The following TMEM132B variants were observed in gnomAD, a reference collection of about 807,000 sequenced individuals.
TMEM132B encodes transmembrane protein 132B.
Under a neutral mutation model 90.8 loss-of-function variants are expected in TMEM132B, and 18 were observed. That is an observed-to-expected ratio of 0.20 (90% CI 0.14 to 0.29). The LOEUF is 0.29. Ranked by LOEUF, TMEM132B falls within the 10% of genes least tolerant of loss-of-function variation. TMEM132B has a pLI of 1.00. For synonymous variants in TMEM132B, 504 were observed against 523.3 expected, an observed-to-expected ratio of 0.96 and a Z score of 0.50; for missense variants, 1,096 against 1,326.8, an observed-to-expected ratio of 0.83 and a Z score of 2.70.
intron 4 of TMEM132B, among the ~76,000 whole-genome samples, chr12:125,543,211 A>G (rs1884000652): frequency 1.3e-5 from 2 of 152,342 alleles, no homozygotes; most frequent in South Asian, 4.1e-4. Flanking sequence ...TAGCTTAAAA[A>G]TTCAGTTATA....
In TMEM132B at chr12:125,492,142, G is replaced by T. The variant is rs1944646721; in HGVS notation, c.1107-27297G>T. ...TCTGGGTTTCTGGGGAAGGGTGAGA[G>T]TGCCCTGCTGCCCGCCCCCACCGCT... is the stretch of plus-strand genomic sequence containing the variant. On this transcript the variant is annotated intron_variant, in intron 3 of 8. Transcript: ENST00000682704. The surrounding 1 kb of genome is among the most constrained non-coding windows in gnomAD (Gnocchi z 5.8). 6.6e-6 allele frequency among the ~76,000 whole-genome samples: 1 copy of T among 152,244 alleles called. No individual in the cohort carries two copies. The highest frequency in any genetic ancestry group is 3.4e-3 in the Middle Eastern group (1 of 294).
At chr12:125,553,414 G>T (rs1317492991) in intron 4 of TMEM132B, among the ~76,000 whole-genome samples, 1 of 152,206 alleles carries the variant, frequency 6.6e-6, no homozygotes, top group East Asian at 1.9e-4. Context: ...TTGATGATGT[G>T]ATTGCAGTTG....
chr12:125,435,561 C>A (rs1279813148), intron 3 of TMEM132B, among the ~76,000 whole-genome samples: 4 of 152,210 alleles, frequency 2.6e-5, no homozygotes, highest in Admixed American at 6.5e-5. Flanking sequence ...AAGAGCCAGG[C>A]ACTAGTATAG....
intron 5 of TMEM132B, among the ~76,000 whole-genome samples, chr12:125,607,073 G>T (rs1003623361): frequency 2.0e-5 from 3 of 152,160 alleles, no homozygotes; most frequent in African/African-American, 7.2e-5. Context: ...CTCTTGCAGG[G>T]TGAGCTCCGG....
intron 3 of TMEM132B, among the ~76,000 whole-genome samples, chr12:125,518,690 A>G (rs1352442349): frequency 6.6e-6 from 1 of 152,160 alleles, no homozygotes; most frequent in African/African-American, 2.4e-5. Flanking sequence ...TACCATAATC[A>G]CACTAGTCTT....
Position 125,349,835 on chromosome 12 carries a change from G to T in TMEM132B, c.451G>T (p.Gly151Cys), listed in dbSNP as rs1440160633. 6.2e-7 allele frequency: 1 copy of T among 1,614,162 alleles called. No homozygotes were observed. The highest frequency in any genetic ancestry group is 8.5e-7 in the Non-Finnish European group (1 of 1,180,026). The change falls in exon 2 of 9, where the codon GGC becomes TGC. Residue 151 changes from glycine to cysteine, a missense_variant. Gly to Cys is a radical substitution (Grantham distance 159). Transcript: ENST00000682704. The surrounding 1 kb of genome is among the most constrained non-coding windows in gnomAD (Gnocchi z 4.1). ...GACCTTGTTTTATGTCACTGGCATG[G>T]GCTGGGATGACAGTGACCTTACGGA... ...VQTLFYVTGMGWDDSDLTEDL... is the reference protein window; with the variant it reads ...VQTLFYVTGMCWDDSDLTEDL...
intron 1 of TMEM132B, among the ~76,000 whole-genome samples, chr12:125,325,669 C>CTGTGTGTG (rs59220510): frequency 4.9e-4 from 61 of 124,382 alleles, no homozygotes; most frequent in East Asian, 3.3e-3. Flanking sequence ...GCCTCCCACC[C>CTGTGTGTG]TGTGTGTGTG....
chr12:125,239,835 CT>C (rs532606152), intron 1 of TMEM132B, among the ~76,000 whole-genome samples: 141 of 152,310 alleles, frequency 9.3e-4, no homozygotes, highest in African/African-American at 3.4e-3. Flanking sequence ...GAGAGCAGGC[CT>C]TGTGGTACTG....
chr12:125,286,166 A>G (rs1483425888), intron 1 of TMEM132B, among the ~76,000 whole-genome samples: 2 of 152,270 alleles, frequency 1.3e-5, no homozygotes, highest in African/African-American at 4.8e-5. Context: ...GCGGATGAGA[A>G]GAGAGAAGCA....
intron 1 of TMEM132B, among the ~76,000 whole-genome samples, chr12:125,212,258 G>C (rs1873336114): frequency 6.6e-6 from 1 of 152,182 alleles, no homozygotes; most frequent in Non-Finnish European, 1.5e-5. Flanking sequence ...CTGGTGCCCA[G>C]GCAGGATCTA....
chr12:125,230,545 A>G (rs1873793727), intron 1 of TMEM132B, among the ~76,000 whole-genome samples: 1 of 151,818 alleles, frequency 6.6e-6, no homozygotes, highest in Non-Finnish European at 1.5e-5. Context: ...CAGTGGCGTA[A>G]TCTCGGCTCA....
chr12:125,639,944 G>A (rs1293937920), intron 5 of TMEM132B, among the ~76,000 whole-genome samples: 4 of 152,110 alleles, frequency 2.6e-5, no homozygotes, highest in Non-Finnish European at 5.9e-5. Flanking sequence ...CCTCAAAGTC[G>A]GGGGGTCCAG....
Position 125,506,618 on chromosome 12 carries a change from G to A in TMEM132B, c.1107-12821G>A, listed in dbSNP as rs1025634915. On this transcript the variant is annotated intron_variant, in intron 3 of 8. Transcript: ENST00000682704. The stretch of plus-strand genomic sequence containing the variant: ...CTCTTTCCATGCAACTCTCTTAAGT[G>A]GGACATAATTTTTGAAAAAAATACT... Among the ~76,000 whole-genome samples the A allele has an allele frequency of 6.6e-5, 10 of 152,074 alleles. No individual in the cohort carries two copies. In the East Asian group the frequency reaches 1.2e-3, roughly 18 times the overall value.
chr12:125,325,629 G>T (rs957333639), intron 1 of TMEM132B, among the ~76,000 whole-genome samples: 3 of 151,166 alleles, frequency 2.0e-5, no homozygotes, highest in African/African-American at 7.3e-5. Context: ...TTTATGTTAA[G>T]AAGGTGTTCA....
In TMEM132B at chr12:125,498,644, G is replaced by A. The variant is rs1209865342; in HGVS notation, c.1107-20795G>A. On this transcript the variant is annotated intron_variant, in intron 3 of 8. Coordinates refer to ENST00000682704, the MANE Select transcript of TMEM132B (RefSeq NM_001366854.1). This position sits in a 1 kb window ranked among gnomAD's most constrained non-coding sequence, Gnocchi z 4.5. ...CATAACTCAGGAGACAGGTAAAGAG[G>A]ATACCCCCTGATTCTAGTTGGAAAG... 1.3e-5 allele frequency among the ~76,000 whole-genome samples: 2 copies of A among 152,176 alleles called. No homozygotes were observed. Among genetic ancestry groups the A allele is most frequent in the South Asian group, 4.1e-4 (2 of 4,826 alleles).
chr12:125,643,612 C>G (rs777208058), intron 5 of TMEM132B, among the ~76,000 whole-genome samples: 31 of 152,176 alleles, frequency 2.0e-4, no homozygotes, highest in Non-Finnish European at 4.4e-4. Flanking sequence ...GGATTTTAAT[C>G]TAGTGCAAAG....
chr12:125,201,281 G>A (rs1186745652), intron 1 of TMEM132B, among the ~76,000 whole-genome samples: 2 of 152,198 alleles, frequency 1.3e-5, no homozygotes, highest in Admixed American at 1.3e-4. Context: ...CAATTTGCCT[G>A]TCATCTCAGG....
chr12:125,546,666 A>G (rs565097965), intron 4 of TMEM132B, among the ~76,000 whole-genome samples: 8 of 152,304 alleles, frequency 5.3e-5, no homozygotes, highest in Admixed American at 2.6e-4. Context: ...CATTGTATGG[A>G]TATATGAATT....
intron 1 of TMEM132B, among the ~76,000 whole-genome samples, chr12:125,286,501 A>C (rs1312836787): frequency 2.6e-5 from 4 of 152,040 alleles, no homozygotes; most frequent in African/African-American, 9.7e-5. Flanking sequence ...AATATAATAA[A>C]ATAATAAATA....
Sources: allele counts gnomAD v4.1 joint callset (sites outside exome capture counted in the v4.1 genomes callset), GRCh38; gene constraint gnomAD v4.1.1; non-coding constraint Gnocchi (gnomAD v3.1); transcripts MANE v1.5; gene names NCBI Gene and HGNC (gene_info 2026-07-23, HGNC 2026-07-21).